PDE8B: variants seen among roughly 807,000 people sequenced by gnomAD.
The protein encoded by PDE8B is high affinity cAMP-specific and IBMX-insensitive 3',5'-cyclic phosphodiesterase 8B.
Under a neutral mutation model 101.3 loss-of-function variants are expected in PDE8B, and 26 were observed. That is an observed-to-expected ratio of 0.26 (90% CI 0.19 to 0.36). The LOEUF (loss-of-function observed/expected upper bound fraction) is 0.36, where lower values mean the gene tolerates loss of function less well. PDE8B is among the 10% of genes least tolerant of loss of function. The probability of loss-of-function intolerance (pLI) is 1.00; values close to 1 mark genes in which losing one functional copy is unlikely to be tolerated. For synonymous variants in PDE8B, 424 were observed against 429.3 expected (o/e 0.99, Z 0.15); for missense variants, 810 against 1,163.1 (o/e 0.70, Z 4.42).
At chr5:77,375,707 T>G (rs1350808005) in intron 10 of PDE8B, among the ~76,000 whole-genome samples, 2 of 152,122 alleles carry the variant, frequency 1.3e-5, no homozygotes, top group African/African-American at 4.8e-5. Flanking sequence ...CCAGTGGTAG[T>G]CTAGTAAGTG....
chr5:77,383,607 C>A (rs1201693063), intron 10 of PDE8B, among the ~76,000 whole-genome samples: 1 of 152,090 alleles, frequency 6.6e-6, no homozygotes, highest in Non-Finnish European at 1.5e-5. Flanking sequence ...GGTTTTTATG[C>A]TTCTAGGTCT....
At chr5:77,340,118 G>A (rs1280085306) in intron 6 of PDE8B, among the ~76,000 whole-genome samples, 2 of 152,132 alleles carry the variant, frequency 1.3e-5, no homozygotes, top group Admixed American at 1.3e-4. Flanking sequence ...TACTTAGCAG[G>A]AGTTTGGGCT....
chr5:77,222,762 T>A (rs1751432540), intron 1 of PDE8B, among the ~76,000 whole-genome samples: 2 of 152,176 alleles, frequency 1.3e-5, no homozygotes, highest in Non-Finnish European at 2.9e-5. Context: ...CATGAAGAAC[T>A]GTGAGCCTGA....
At chr5:77,256,933 A>G (rs1759305796) in intron 1 of PDE8B, among the ~76,000 whole-genome samples, 1 of 152,164 alleles carries the variant, frequency 6.6e-6, no homozygotes, top group Non-Finnish European at 1.5e-5. Flanking sequence ...TCTGTTATTC[A>G]ATTTATTTAA....
intron 1 of PDE8B, among the ~76,000 whole-genome samples, chr5:77,253,334 G>A (rs1758460323): frequency 6.6e-6 from 1 of 152,158 alleles, no homozygotes; most frequent in African/African-American, 2.4e-5. Flanking sequence ...AAATGAGGTT[G>A]GAGAGGAAAG....
intron 5 of PDE8B, among the ~76,000 whole-genome samples, chr5:77,335,562 T>TGA (rs1477904890): frequency 0.044 from 5,741 of 130,650 alleles, 331 homozygotes; most frequent in African/African-American, 0.16. Flanking sequence ...TGTGTGTGTG[T>TGA]GTGAGAGAGA....
At chr5:77,167,822 C>T in the PDE8B span, among the ~76,000 whole-genome samples, 1 of 152,086 alleles carries the variant, frequency 6.6e-6, no homozygotes, top group African/African-American at 2.4e-5. Flanking sequence ...GGGAGTGAGG[C>T]CCACCCTGCG....
At chr5:77,368,046 G>A (rs983785815) in intron 10 of PDE8B, among the ~76,000 whole-genome samples, 14 of 152,098 alleles carry the variant, frequency 9.2e-5, no homozygotes, top group African/African-American at 2.7e-4. Context: ...GAGATAAGTT[G>A]GAAAACATTT....
chr5:77,191,632 C>T, the PDE8B span, among the ~76,000 whole-genome samples: 52,848 of 151,830 alleles, frequency 0.35, 10,251 homozygotes, highest in East Asian at 0.86. Context: ...GGATTACAGG[C>T]GTGAGCCACT....
chr5:77,150,959 G>T, the PDE8B span, among the ~76,000 whole-genome samples: 1 of 152,176 alleles, frequency 6.6e-6, no homozygotes, highest in African/African-American at 2.4e-5. Context: ...TGCTTTGAAG[G>T]GCAAAACAGA....
At chr5:77,118,763 T>C in the PDE8B span, 1 of 171,816 alleles carries the variant, frequency 5.8e-6, no homozygotes, top group Non-Finnish European at 1.2e-5. Context: ...ACAGACATTG[T>C]GTGGAAGCAC....
At chr5:77,105,308 C>T in the PDE8B span, 17 of 152,192 alleles carry the variant, frequency 1.1e-4, no homozygotes, top group Admixed American at 1.0e-3. Flanking sequence ...ATTCATACTT[C>T]AAGTACCCAT....
chr5:77,399,445 TA>T (rs1325817258), intron 10 of PDE8B, among the ~76,000 whole-genome samples: 1 of 152,236 alleles, frequency 6.6e-6, no homozygotes, highest in Non-Finnish European at 1.5e-5. Context: ...CAAGTTAACC[TA>T]CCCCATTCAT....
At chr5:77,343,112 A>G (rs11744930) in intron 6 of PDE8B, among the ~76,000 whole-genome samples, 28,171 of 152,192 alleles carry the variant, frequency 0.19, 3,348 homozygotes, top group Middle Eastern at 0.32. Context: ...CTGAATTACA[A>G]TTCTTTTTGT....
At chr5:77,411,607 T>TA in intron 14 of PDE8B, 69 bp from the exon 15 acceptor site, 1 of 1,292,988 alleles carries the variant, frequency 7.7e-7, no homozygotes, top group South Asian at 1.2e-5. Context: ...CTTTCACTAA[T>TA]AATAAAAAAA....
intron 1 of PDE8B, among the ~76,000 whole-genome samples, chr5:77,260,153 A>G (rs937422821): frequency 6.6e-5 from 6 of 90,670 alleles, no homozygotes; most frequent in African/African-American, 1.7e-4. Flanking sequence ...GCAAAACTCC[A>G]TCACAAAAAA....
chr5:77,259,991 A>C (rs1580641150), intron 1 of PDE8B, among the ~76,000 whole-genome samples: 2 of 151,970 alleles, frequency 1.3e-5, no homozygotes, highest in Non-Finnish European at 2.9e-5. Flanking sequence ...GTGAAACCCC[A>C]TCTCTACTAA....
chr5:77,138,952 A>T, the PDE8B span, among the ~76,000 whole-genome samples: 1 of 152,218 alleles, frequency 6.6e-6, no homozygotes, highest in African/African-American at 2.4e-5. Flanking sequence ...CGAAGTGGTC[A>T]TGGGTAAAAC....
chr5:77,101,162 G>T, the PDE8B span, among the ~76,000 whole-genome samples: 1 of 150,240 alleles, frequency 6.7e-6, no homozygotes, highest in African/African-American at 2.5e-5. Flanking sequence ...GTAGAGGTGG[G>T]GTCATGCCAT....
Sources: allele counts gnomAD v4.1 joint callset (sites outside exome capture counted in the v4.1 genomes callset), GRCh38; gene constraint gnomAD v4.1.1; transcripts MANE v1.5; gene names NCBI Gene and HGNC (gene_info 2026-07-23, HGNC 2026-07-21).